MRC1: variants seen among roughly 807,000 people sequenced by gnomAD.
MRC1 encodes the protein mannose receptor C-type 1, also known as macrophage mannose receptor 1.
In MRC1, 62 loss-of-function variants were observed where a neutral mutation model predicts 102.9. The observed-to-expected ratio is 0.60, with a 90% CI of 0.49 to 0.74. The LOEUF (loss-of-function observed/expected upper bound fraction) is 0.74, where lower values mean the gene tolerates loss of function less well. Among genes scored for constraint, MRC1 ranks in the 30% least tolerant of loss-of-function variants. MRC1 has a pLI of 0.00. For missense variants in MRC1, 1,237 were observed against 862.8 expected, an observed-to-expected ratio of 1.43 and a Z score of -5.43; for synonymous variants, 457 against 298.4, an observed-to-expected ratio of 1.53 and a Z score of -5.48.
intron 6 of MRC1, among the ~76,000 whole-genome samples, chr10:17,848,600 C>G (rs968327892): frequency 1.8e-4 from 28 of 152,090 alleles, no homozygotes; most frequent in South Asian, 4.2e-4. Context: ...CAAGCACACT[C>G]TCTCTATTCT....
chr10:17,886,019 A>G (rs1399567597), intron 22 of MRC1, among the ~76,000 whole-genome samples: 1 of 152,214 alleles, frequency 6.6e-6, no homozygotes, highest in African/African-American at 2.4e-5. Flanking sequence ...GTGTGAAGAA[A>G]TAGAAGATTT....
intron 26 of MRC1, among the ~76,000 whole-genome samples, chr10:17,905,427 A>G (rs1833882275): frequency 6.6e-6 from 1 of 152,178 alleles, no homozygotes; most frequent in South Asian, 2.1e-4. Flanking sequence ...AATTTTCAGA[A>G]GAACTTATTC....
intron 3 of MRC1, among the ~76,000 whole-genome samples, chr10:17,830,057 T>C: frequency 6.6e-6 from 1 of 151,600 alleles, no homozygotes; most frequent in South Asian, 2.1e-4. Flanking sequence ...ACATTTAATA[T>C]CTTTCTTAAA....
At chr10:17,874,825 C>T (rs1307452912) in intron 16 of MRC1, among the ~76,000 whole-genome samples, 3 of 152,084 alleles carry the variant, frequency 2.0e-5, no homozygotes, top group Admixed American at 1.3e-4. Context: ...AAGTGACACC[C>T]GGAGTTCTTT....
intron 18 of MRC1, 81 bp from the exon 19 acceptor site, chr10:17,879,640 G>A (rs1833485699): frequency 2.6e-6 from 2 of 780,548 alleles, no homozygotes; most frequent in Non-Finnish European, 4.8e-6. Flanking sequence ...TGGGATTACA[G>A]GCGTGAGCCA....
At chr10:17,871,064 T>C (rs1010151677) in intron 14 of MRC1, 129 bp downstream of exon 14, 4 of 724,010 alleles carry the variant, frequency 5.5e-6, no homozygotes, top group Admixed American at 2.2e-5. Flanking sequence ...CCATGCAAAA[T>C]TGATGTGCAG....
At chr10:17,865,191 T>C (rs1027674647) in intron 11 of MRC1, among the ~76,000 whole-genome samples, 3 of 152,234 alleles carry the variant, frequency 2.0e-5, no homozygotes, top group Non-Finnish European at 4.4e-5. Context: ...ATTTACTACC[T>C]GACCTAATAT....
intron 23 of MRC1, among the ~76,000 whole-genome samples, chr10:17,896,560 C>T (rs1052164949): frequency 6.6e-6 from 1 of 152,142 alleles, no homozygotes; most frequent in Admixed American, 6.5e-5. Flanking sequence ...AAATAAAAAT[C>T]ATTTGCAAAT....
intron 22 of MRC1, among the ~76,000 whole-genome samples, chr10:17,892,302 C>T (rs900246339): frequency 2.0e-4 from 31 of 152,192 alleles, no homozygotes; most frequent in Non-Finnish European, 4.3e-4. Flanking sequence ...CACTCCTCTG[C>T]CAACAGTTTT....
intron 24 of MRC1, 96 bp from the exon 25 acceptor site, chr10:17,900,692 A>G: frequency 1.3e-6 from 1 of 770,316 alleles, no homozygotes; most frequent in South Asian, 1.4e-5. Context: ...ATGTCAAATC[A>G]TGGTCTTAAA....
intron 6 of MRC1, among the ~76,000 whole-genome samples, chr10:17,846,378 AT>A (rs1396009803): frequency 6.6e-6 from 1 of 152,170 alleles, no homozygotes; most frequent in Non-Finnish European, 1.5e-5. Context: ...GGGACAGCGA[AT>A]GCTTTAAATG....
chr10:17,883,491 C>T lies in MRC1; in HGVS notation c.2981-1778C>T, dbSNP rs1409168998. ...AAGAGTTTTTTTTTTTTTTTAAATC[C>T]TTAATTAAGAAAAACAGAAGTCTCT... On this transcript the variant is annotated intron_variant, in intron 21 of 29. Coordinates refer to ENST00000569591, the MANE Select transcript of MRC1 (RefSeq NM_002438.4). Among the ~76,000 whole-genome samples, 410 of 148,944 alleles carry T rather than the reference C, an allele frequency of 2.8e-3. 3 individuals carry two copies. The highest frequency in any genetic ancestry group is 3.8e-3 in the Non-Finnish European group (257 of 67,368).
At chr10:17,876,036 A>G (rs1015664548) in intron 17 of MRC1, among the ~76,000 whole-genome samples, 2 of 152,116 alleles carry the variant, frequency 1.3e-5, no homozygotes, top group Non-Finnish European at 2.9e-5. Context: ...GCATTTTTTC[A>G]TAGAACATCA....
intron 7 of MRC1, among the ~76,000 whole-genome samples, chr10:17,852,106 T>C (rs1335070524): frequency 1.3e-5 from 2 of 152,240 alleles, no homozygotes; most frequent in African/African-American, 4.8e-5. Flanking sequence ...TTTTTAGCCA[T>C]GACATCTTAA....
At position 17,853,651 on chromosome 10, in the gene MRC1, G is replaced by GAT. The variant is rs1233192250; in HGVS notation, c.1407+535_1407+536dup. Among the ~76,000 whole-genome samples, 6 of 151,574 alleles carry GAT rather than the reference G, an allele frequency of 4.0e-5. No individual in the cohort carries two copies. The South Asian group carries it at 1.0e-3, about 26-fold the overall frequency. ...ATTGTAGCCCCGTATATATGTGAGA[G>GAT]ATATATATACACCAAGTAGATGCAG... On this transcript the variant is annotated intron_variant, in intron 8 of 29. Coordinates refer to ENST00000569591, the MANE Select transcript of MRC1 (RefSeq NM_002438.4).
At chr10:17,871,028 A>G (rs1386217505) in intron 14 of MRC1, 93 bp downstream of exon 14, 2 of 790,912 alleles carry the variant, frequency 2.5e-6, no homozygotes, top group South Asian at 1.5e-5. Context: ...TTAATAAGAC[A>G]GTTCATTATG....
rs1444595396 is a variant in MRC1, at chr10:17,868,827, A to G, written c.1984-1419A>G. Among the ~76,000 whole-genome samples, 11 of 152,338 alleles carry G rather than the reference A, an allele frequency of 7.2e-5. No homozygotes were observed. The East Asian group carries it at 2.1e-3, about 29-fold the overall frequency. ...TCAATCCAGATTGGCCATCAGATCT[A>G]ATAACATAATTTACATAGAAGGCGA... is the stretch of plus-strand genomic sequence containing the variant. On this transcript the variant is annotated intron_variant, in intron 12 of 29. Transcript: ENST00000569591.
At chr10:17,859,296 G>T (rs1347403676) in intron 9 of MRC1, among the ~76,000 whole-genome samples, 25 of 152,066 alleles carry the variant, frequency 1.6e-4, no homozygotes, top group African/African-American at 6.0e-4. Flanking sequence ...TCCTTAAAAT[G>T]GGACATTTTC....
intron 7 of MRC1, among the ~76,000 whole-genome samples, chr10:17,850,631 A>T (rs1309444310): frequency 6.6e-6 from 1 of 152,122 alleles, no homozygotes; most frequent in African/African-American, 2.4e-5. Flanking sequence ...AATGATGATC[A>T]TTTTCATCTT....
Sources: allele counts gnomAD v4.1 joint callset (sites outside exome capture counted in the v4.1 genomes callset), GRCh38; gene constraint gnomAD v4.1.1; transcripts MANE v1.5; gene names NCBI Gene and HGNC (gene_info 2026-07-23, HGNC 2026-07-21).